POMP: variants seen among roughly 807,000 people sequenced by gnomAD.
The protein encoded by POMP is proteasome maturation protein.
In POMP, 12 loss-of-function variants were observed where a neutral mutation model predicts 20.6. The ratio of observed to expected loss-of-function variants is 0.58; its 90% confidence interval spans 0.37 to 0.94. The LOEUF is 0.94. POMP is among the 40% of genes least tolerant of loss of function. The probability of loss-of-function intolerance (pLI) is 0.01; values close to 1 mark genes in which losing one functional copy is unlikely to be tolerated. For synonymous variants in POMP, 53 were observed against 55.0 expected (o/e 0.96, Z 0.16); for missense variants, 136 against 161.1 (o/e 0.84, Z 0.84).
chr13:28,669,110 C>CA (rs939246088), intron 4 of POMP, among the ~76,000 whole-genome samples: 17 of 150,858 alleles, frequency 1.1e-4, no homozygotes, highest in Middle Eastern at 3.2e-3. Context: ...TCTTTTAAAA[C>CA]AAAAAAAAAT....
At chr13:28,660,083 C>T (rs563632033) in intron 1 of POMP, among the ~76,000 whole-genome samples, 2 of 152,214 alleles carry the variant, frequency 1.3e-5, no homozygotes, top group South Asian at 4.1e-4. Flanking sequence ...ATGACAATAA[C>T]AGAATCCAGA....
chr13:28,661,526 T>A (rs565943110), intron 1 of POMP, among the ~76,000 whole-genome samples: 37 of 152,172 alleles, frequency 2.4e-4, no homozygotes, highest in Admixed American at 6.5e-4. Context: ...CATGTTTTCT[T>A]TGCTTGTTTA....
At chr13:28,670,621 C>T (rs1169440300) in intron 4 of POMP, among the ~76,000 whole-genome samples, 6 of 152,248 alleles carry the variant, frequency 3.9e-5, no homozygotes, top group African/African-American at 1.4e-4. Context: ...TTGCTTCCCA[C>T]CACACTTCTT....
At position 28,672,437 on chromosome 13, in the gene POMP, G is replaced by A; in HGVS notation, c.358+5G>A. On this transcript the variant is annotated splice_donor_5th_base_variant and intron_variant, in intron 5 of 5. Coordinates refer to ENST00000380842, the MANE Select transcript of POMP (RefSeq NM_015932.6). ...GATTTGAGGATATTCTTAATGGTAA[G>A]TGTCATTCAGCACCTTTTTATGGAG... 1 of 1,569,986 alleles carries A rather than the reference G, an allele frequency of 6.4e-7. No homozygotes were observed. The highest frequency in any genetic ancestry group is 8.8e-7 in the Non-Finnish European group (1 of 1,140,068).
At chr13:28,665,439 C>G (rs9506033) in intron 3 of POMP, among the ~76,000 whole-genome samples, 2 of 152,064 alleles carry the variant, frequency 1.3e-5, no homozygotes, top group Admixed American at 6.5e-5. Context: ...AATTCCTCAT[C>G]GATTTAAGTG....
intron 1 of POMP, 61 bp from the exon 2 acceptor site, chr13:28,662,349 C>T (rs994638071): frequency 1.6e-6 from 2 of 1,267,946 alleles, no homozygotes; most frequent in Admixed American, 1.7e-5. Flanking sequence ...TTTGACACAG[C>T]TGCCTGGGTG....
chr13:28,677,593 A>T (rs762713810), intron 5 of POMP, among the ~76,000 whole-genome samples: 3 of 152,210 alleles, frequency 2.0e-5, no homozygotes, highest in Non-Finnish European at 4.4e-5. Context: ...GTTTGTGTGG[A>T]TACAACAGGT....
chr13:28,661,471 G>GTAAATAAATAAA (rs148002317), intron 1 of POMP, among the ~76,000 whole-genome samples: 1 of 152,056 alleles, frequency 6.6e-6, no homozygotes, highest in African/African-American at 2.4e-5. Context: ...ATCTCAAAAA[G>GTAAATAAATAAA]TAAATAAATA....
chr13:28,669,411 T>C (rs1041598428), intron 4 of POMP, among the ~76,000 whole-genome samples: 5 of 152,206 alleles, frequency 3.3e-5, no homozygotes, highest in African/African-American at 1.2e-4. Context: ...GATCTCATTC[T>C]GTCATCCAGG....
chr13:28,659,276 G>T (rs962391835), intron 1 of POMP, 89 bp downstream of exon 1: 178 of 1,539,014 alleles, frequency 1.2e-4, no homozygotes, highest in Non-Finnish European at 1.4e-4. Flanking sequence ...ACCCGTCCCC[G>T]GTGGCGGCGG....
intron 5 of POMP, among the ~76,000 whole-genome samples, chr13:28,672,679 C>T (rs1169582909): frequency 6.6e-6 from 1 of 152,068 alleles, no homozygotes; most frequent in African/African-American, 2.4e-5. Context: ...GGCAGATCAC[C>T]TCAGGTCAGG....
intron 2 of POMP, among the ~76,000 whole-genome samples, chr13:28,663,360 G>C (rs1162848003): frequency 6.6e-6 from 1 of 152,040 alleles, no homozygotes; most frequent in Non-Finnish European, 1.5e-5. Context: ...GCCCAGGCTG[G>C]AGTGCAATGG....
chr13:28,664,671 C>T, intron 3 of POMP, 102 bp downstream of exon 3: 1 of 748,980 alleles, frequency 1.3e-6, no homozygotes, highest in Non-Finnish European at 2.2e-6. Context: ...TGAGGATTTG[C>T]CCATGAAGAA....
intron 5 of POMP, 59 bp from the exon 6 acceptor site, chr13:28,677,976 C>A: frequency 1.3e-6 from 2 of 1,507,328 alleles, no homozygotes; most frequent in South Asian, 1.1e-5. Context: ...TAAGCAGAAT[C>A]ATTGAATGTA....
Position 28,669,376 on chromosome 13 carries a change from C to T in POMP, c.264+802C>T, listed in dbSNP as rs1884503287. ...TTTTCCCTTGGCTTTTATGTTTTTACTTTGTATTTATTTTTTTGATACAGG... is the reference window on the plus strand; with the variant it reads ...TTTTCCCTTGGCTTTTATGTTTTTATTTTGTATTTATTTTTTTGATACAGG... On this transcript the variant is annotated intron_variant, in intron 4 of 5. Transcript: ENST00000380842. Among the ~76,000 whole-genome samples the T allele has an allele frequency of 2.0e-5, 3 of 151,844 alleles. No homozygotes were observed. In the South Asian group the frequency reaches 6.2e-4, roughly 31 times the overall value.
intron 3 of POMP, among the ~76,000 whole-genome samples, chr13:28,666,017 C>T (rs1771165): frequency 0.045 from 6,761 of 151,686 alleles, 500 homozygotes; most frequent in African/African-American, 0.15. Flanking sequence ...TTGTGGGCAA[C>T]CAAAGAAAGA....
Position 28,668,508 on chromosome 13 carries a change from A to G in POMP, c.198A>G (p.Thr66=), listed in dbSNP as rs779280766. The G allele has an allele frequency of 1.9e-6, 3 of 1,612,540 alleles. No individual in the cohort carries two copies. Among genetic ancestry groups the G allele is most frequent in the Non-Finnish European group, 2.5e-6 (3 of 1,178,616 alleles). ...QLNQDKMNFS[T]LRNIQGLFAP... ...ACCAAGATAAAATGAATTTTTCCAC[A>G]CTGAGAAACATTCAGGGTCTATTTG... Residue 66 remains threonine (T), a synonymous_variant, in exon 4 of 6, where the codon ACA becomes ACG. Transcript: ENST00000380842.
chr13:28,671,862 A>G (rs1422133008), intron 4 of POMP, among the ~76,000 whole-genome samples: 1 of 152,156 alleles, frequency 6.6e-6, no homozygotes, highest in Non-Finnish European at 1.5e-5. Flanking sequence ...GTCTGTGGGA[A>G]TATCAAAAAT....
intron 2 of POMP, among the ~76,000 whole-genome samples, chr13:28,663,404 G>A (rs762436141): frequency 7.2e-5 from 11 of 152,078 alleles, no homozygotes; most frequent in Admixed American, 1.3e-4. Flanking sequence ...TCCGCCTCCC[G>A]GGTTCAAGTG....
Sources: allele counts gnomAD v4.1 joint callset (sites outside exome capture counted in the v4.1 genomes callset), GRCh38; gene constraint gnomAD v4.1.1; transcripts MANE v1.5; gene names NCBI Gene and HGNC (gene_info 2026-07-23, HGNC 2026-07-21).